FOXN3: variants seen among roughly 807,000 people sequenced by gnomAD.
FOXN3 encodes forkhead box protein N3.
Under a neutral mutation model 38.4 loss-of-function variants are expected in FOXN3, and 7 were observed. The observed-to-expected ratio is 0.18, with a 90% CI of 0.10 to 0.34. The LOEUF (loss-of-function observed/expected upper bound fraction) is 0.34. Among genes scored for constraint, FOXN3 ranks in the 10% least tolerant of loss-of-function variants. The pLI is 1.00. For missense variants in FOXN3, 456 were observed against 613.4 expected (o/e 0.74, Z 2.71); for synonymous variants, 230 against 242.2 (o/e 0.95, Z 0.47).
chr14:89,503,784 T>G (rs777670672), intron 1 of FOXN3, among the ~76,000 whole-genome samples: 9 of 152,230 alleles, frequency 5.9e-5, no homozygotes, highest in Non-Finnish European at 8.8e-5. Flanking sequence ...GAAATCACGA[T>G]GCTTGTCTCA....
intron 1 of FOXN3, among the ~76,000 whole-genome samples, chr14:89,508,907 G>T (rs747553140): frequency 4.6e-5 from 7 of 152,140 alleles, no homozygotes; most frequent in Non-Finnish European, 8.8e-5. Context: ...CCTTCCACAT[G>T]ACAGGCTTTG....
chr14:89,190,566 A>T (rs1316698620), intron 4 of FOXN3: 4 of 727,164 alleles, frequency 5.5e-6, no homozygotes, highest in Non-Finnish European at 8.9e-6. Flanking sequence ...ATATCCAGCA[A>T]CTGGATGAGC....
intron 5 of FOXN3, among the ~76,000 whole-genome samples, chr14:89,175,636 T>C (rs1181663893): frequency 4.6e-5 from 7 of 152,198 alleles, no homozygotes; most frequent in Admixed American, 1.3e-4. Flanking sequence ...GGCACTTCCC[T>C]GAGGTCACAC....
Position 89,412,537 on chromosome 14 carries a change from C to A in FOXN3, c.-14-47G>T. On this transcript the variant is annotated intron_variant, in intron 1 of 5. Coordinates refer to ENST00000557258, the MANE Select transcript of FOXN3 (RefSeq NM_005197.4). The surrounding 1 kb of genome is among the most constrained non-coding windows in gnomAD (Gnocchi z 4.7). Reference sequence around the variant, plus strand: ...AATGATGAGCTGGCGAGGCCCAAAACAGAAAGGCAGACTGTACCCCTCTGA... The same window carrying A: ...AATGATGAGCTGGCGAGGCCCAAAAAAGAAAGGCAGACTGTACCCCTCTGA... 1 of 1,491,828 alleles carries A rather than the reference C, an allele frequency of 6.7e-7. No homozygotes were observed. The allele number at this position is 1,491,828 out of a possible 1,614,324, so 92.4% of individuals were successfully genotyped here. A position where few individuals can be genotyped will look rare whatever the true frequency, so the allele number is the denominator to read the frequency against.
At chr14:89,438,919 C>G (rs111277198) in intron 1 of FOXN3, among the ~76,000 whole-genome samples, 52 of 152,174 alleles carry the variant, frequency 3.4e-4, no homozygotes, top group African/African-American at 1.3e-3. Context: ...CACCACCACG[C>G]CCAGCTAATT....
intron 3 of FOXN3, among the ~76,000 whole-genome samples, chr14:89,343,655 C>T (rs1377295551): frequency 7.5e-6 from 1 of 133,034 alleles, no homozygotes; most frequent in Non-Finnish European, 1.6e-5. Context: ...TTTTGCGGCT[C>T]GTTAAATTCC....
chr14:89,168,522 G>A (rs1431705377), intron 5 of FOXN3, among the ~76,000 whole-genome samples: 1 of 152,152 alleles, frequency 6.6e-6, no homozygotes, highest in Non-Finnish European at 1.5e-5. Flanking sequence ...TGTAGCTGAA[G>A]AGAAAAATTA....
intron 2 of FOXN3, among the ~76,000 whole-genome samples, chr14:89,354,227 T>A (rs1011990252): frequency 2.0e-5 from 3 of 151,730 alleles, no homozygotes; most frequent in African/African-American, 7.3e-5. Flanking sequence ...TGTTTGGTTT[T>A]TTTTGTTTGT....
At chr14:89,358,045 T>G (rs928550611) in intron 2 of FOXN3, among the ~76,000 whole-genome samples, 4 of 151,754 alleles carry the variant, frequency 2.6e-5, no homozygotes, top group African/African-American at 9.7e-5. Context: ...CTTAAACAAC[T>G]TCTCTTTCTG....
intron 3 of FOXN3, among the ~76,000 whole-genome samples, chr14:89,311,325 A>C (rs1195761628): frequency 1.3e-5 from 2 of 150,554 alleles, no homozygotes; most frequent in Non-Finnish European, 3.0e-5. Flanking sequence ...ACAAAAAATT[A>C]GTCAGGCATG....
In FOXN3 at chr14:89,431,224, T is replaced by G. The variant is rs183742894; in HGVS notation, c.-14-18734A>C. ...GTTTGCTTGTTTCTTTGAGACAGAGTCTCTCTCTCTCTCCCAGGCTGGATG... is the reference window on the plus strand; with the variant it reads ...GTTTGCTTGTTTCTTTGAGACAGAGGCTCTCTCTCTCTCCCAGGCTGGATG... On this transcript the variant is annotated intron_variant, in intron 1 of 6. Transcript: ENST00000345097. Among the ~76,000 whole-genome samples the G allele has an allele frequency of 5.6e-3, 848 of 151,642 alleles. 3 individuals are homozygous for G. The highest frequency in any genetic ancestry group is 9.6e-3 in the Non-Finnish European group (649 of 67,826).
rs1245702238 is a variant in FOXN3 at position 89,467,103 on chromosome 14, C to G, written c.-14-54613G>C. 3.9e-5 allele frequency among the ~76,000 whole-genome samples: 6 copies of G among 152,304 alleles called. No homozygotes were observed. The East Asian group carries it at 1.2e-3, about 29-fold the overall frequency. Reference sequence around the variant, plus strand: ...GGAGCCTGCTGGAGCCTGCCCGGGACTCCCAAGCACAGGCAGCTGCACATC... The same window carrying G: ...GGAGCCTGCTGGAGCCTGCCCGGGAGTCCCAAGCACAGGCAGCTGCACATC... On this transcript the variant is annotated intron_variant, in intron 1 of 6. Coordinates refer to the FOXN3 transcript ENST00000345097.
At chr14:89,485,403 T>C (rs1359565607) in intron 1 of FOXN3, among the ~76,000 whole-genome samples, 1 of 152,092 alleles carries the variant, frequency 6.6e-6, no homozygotes, top group Non-Finnish European at 1.5e-5. Flanking sequence ...TAACTTATGC[T>C]TCCTCCCCTG....
At position 89,197,761 on chromosome 14, in the gene FOXN3, C is replaced by T. The variant is rs1260919983; in HGVS notation, c.746-16955G>A. Reference sequence around the variant, plus strand: ...TCCACGGGAACCCCAGAAAACCAAACATCAGGCTCCACCCTAGCTGAAGGA... The same window carrying T: ...TCCACGGGAACCCCAGAAAACCAAATATCAGGCTCCACCCTAGCTGAAGGA... On this transcript the variant is annotated intron_variant, in intron 4 of 5. Transcript: ENST00000557258. Among the ~76,000 whole-genome samples the T allele has an allele frequency of 3.3e-5, 5 of 152,312 alleles. No individual in the cohort carries two copies. In the East Asian group the frequency reaches 9.6e-4, roughly 29 times the overall value.
At chr14:89,434,716 C>T (rs1892237831) in intron 1 of FOXN3, among the ~76,000 whole-genome samples, 1 of 152,200 alleles carries the variant, frequency 6.6e-6, no homozygotes, top group Non-Finnish European at 1.5e-5. Context: ...CTATTGCCTG[C>T]TCCCAAACCA....
chr14:89,164,203 G>A lies in FOXN3; in HGVS notation c.852-1234C>T, dbSNP rs1283324359. Among the ~76,000 whole-genome samples the A allele has an allele frequency of 2.0e-5, 3 of 152,134 alleles. No homozygotes were observed. Among genetic ancestry groups the A allele is most frequent in the Non-Finnish European group, 4.4e-5 (3 of 68,036 alleles). ...AGCTGCCTGTCTGTTAGTGCCTGGC[G>A]CCCAGCCTTCAGAAGGATGAATACT... is the stretch of plus-strand genomic sequence containing the variant. On this transcript the variant is annotated intron_variant, in intron 5 of 5. Transcript: ENST00000557258. This position sits in a 1 kb window ranked among gnomAD's most constrained non-coding sequence, Gnocchi z 4.3.
chr14:89,416,192 C>G (rs751177966), intron 1 of FOXN3, among the ~76,000 whole-genome samples: 11 of 152,200 alleles, frequency 7.2e-5, no homozygotes, highest in Non-Finnish European at 1.2e-4. Context: ...TTCAAGGGGA[C>G]CTGCGGGAGT....
chr14:89,537,362 G>A (rs1330434531), intron 1 of FOXN3, among the ~76,000 whole-genome samples: 1 of 152,052 alleles, frequency 6.6e-6, no homozygotes, highest in Non-Finnish European at 1.5e-5. Flanking sequence ...GTCCAACCTA[G>A]AGGAGTCTAT....
At chr14:89,215,367 A>G (rs1884239567) in intron 4 of FOXN3, among the ~76,000 whole-genome samples, 1 of 151,256 alleles carries the variant, frequency 6.6e-6, no homozygotes, top group Admixed American at 6.6e-5. Context: ...TTTTGGCAGA[A>G]AGCCAAAGTA....
Sources: gnomAD v4.1 joint callset for allele counts (sites outside exome capture counted in the v4.1 genomes callset) on GRCh38, gnomAD v4.1.1 for gene constraint, Gnocchi (gnomAD v3.1) non-coding constraint, MANE v1.5 for transcripts, NCBI Gene and HGNC (gene_info 2026-07-23, HGNC 2026-07-21) for gene names.